ZBTB7C: variants seen among roughly 807,000 people sequenced by gnomAD.
ZBTB7C encodes the protein zinc finger and BTB domain containing 7C.
In ZBTB7C, 8 loss-of-function variants were observed where a neutral mutation model predicts 25.7. That is an observed-to-expected ratio of 0.31 (90% CI 0.18 to 0.56). The LOEUF is 0.56. ZBTB7C is among the 20% of genes least tolerant of loss of function. ZBTB7C has a pLI of 0.91. For missense variants in ZBTB7C, 824 were observed against 855.2 expected (o/e 0.96, Z 0.46); for synonymous variants, 394 against 369.0 (o/e 1.07, Z -0.78).
In ZBTB7C at chr18:48,087,094, T is replaced by C. The variant is rs560866841; in HGVS notation, c.-16-45971A>G. Among the ~76,000 whole-genome samples, 12 of 152,266 alleles carry C rather than the reference T, an allele frequency of 7.9e-5. No homozygotes were observed. In the South Asian group the frequency reaches 2.5e-3, roughly 32 times the overall value. On this transcript the variant is annotated intron_variant, in intron 3 of 4. Transcript: ENST00000590800. ...GATCTGCCCAGGATTGTGCACATAG[T>C]TAGTAGGAGAGGTTGAAACTGACTT...
intron 3 of ZBTB7C, among the ~76,000 whole-genome samples, chr18:48,111,294 A>G (rs552479313): frequency 2.5e-4 from 38 of 152,360 alleles, no homozygotes; most frequent in Non-Finnish European, 4.8e-4. Flanking sequence ...CCCAAATTCA[A>G]TAAGAAAAGG....
Position 48,338,160 on chromosome 18 carries a change from C to T in ZBTB7C, c.-79+14G>A, listed in dbSNP as rs1397804309. 2 of 152,198 alleles carry T rather than the reference C, an allele frequency of 1.3e-5. No homozygotes were observed. Among genetic ancestry groups the T allele is most frequent in the African/African-American group, 4.8e-5 (2 of 41,448 alleles). 9.4% of individuals were successfully genotyped at this position (152,198 alleles called of 1,614,324 possible). ...TATCATTCATAAAGGATAGACAAGC[C>T]TCAGGTTCATTACCTGTCATTACAC... On this transcript the variant is annotated intron_variant, in intron 2 of 4. Transcript: ENST00000590800.
Position 48,036,308 on chromosome 18 carries a change from G to A in ZBTB7C, c.1208+3592C>T, listed in dbSNP as rs146168398. Among the ~76,000 whole-genome samples, 1,416 of 152,326 alleles carry A rather than the reference G, an allele frequency of 9.3e-3. 23 individuals carry two copies. The highest frequency in any genetic ancestry group is 0.032 in the African/African-American group (1,334 of 41,582). On this transcript the variant is annotated intron_variant, in intron 4 of 4. Transcript: ENST00000590800. Reference sequence around the variant, plus strand: ...GCCTTAGGGGTGAAGGGGCTCTGCTGGAAGGATTCCCATGTCCTCCCCCTG... The same window carrying A: ...GCCTTAGGGGTGAAGGGGCTCTGCTAGAAGGATTCCCATGTCCTCCCCCTG...
intron 3 of ZBTB7C, among the ~76,000 whole-genome samples, chr18:48,146,294 T>G (rs538269584): frequency 6.6e-6 from 1 of 152,306 alleles, no homozygotes. Flanking sequence ...TTTCCAAAAT[T>G]TTTTGTAATT....
At position 48,037,353 on chromosome 18, in the gene ZBTB7C, C is replaced by T. The variant is rs115378257; in HGVS notation, c.1208+2547G>A. On this transcript the variant is annotated intron_variant, in intron 4 of 4. Transcript: ENST00000590800. ...ATCATCTGGCTGGGAGTGGGGACTG[C>T]AGACAGAGAGGCCACCCCAAGTGAC... is the stretch of plus-strand genomic sequence containing the variant. 1.8e-3 allele frequency among the ~76,000 whole-genome samples: 271 copies of T among 152,314 alleles called. 1 individual carries two copies. The highest frequency in any genetic ancestry group is 5.1e-3 in the African/African-American group (214 of 41,576).
At chr18:48,330,354 T>G (rs1001228020) in intron 2 of ZBTB7C, among the ~76,000 whole-genome samples, 1 of 152,146 alleles carries the variant, frequency 6.6e-6, no homozygotes, top group Admixed American at 6.5e-5. Context: ...TTAGGTAGCA[T>G]GAGCTCTTGC....
At chr18:48,126,177 C>T (rs1017657358) in intron 3 of ZBTB7C, among the ~76,000 whole-genome samples, 2 of 152,142 alleles carry the variant, frequency 1.3e-5, no homozygotes, top group Admixed American at 6.5e-5. Flanking sequence ...ATTACCTGTT[C>T]TCAGTCTCTG....
At chr18:48,074,391 A>G (rs778158625) in intron 3 of ZBTB7C, among the ~76,000 whole-genome samples, 29 of 152,134 alleles carry the variant, frequency 1.9e-4, no homozygotes, top group Non-Finnish European at 3.8e-4. Context: ...TTCATATAAC[A>G]CAGCCCCTTG....
intron 2 of ZBTB7C, among the ~76,000 whole-genome samples, chr18:48,238,699 G>C (rs1445903112): frequency 5.9e-5 from 9 of 152,208 alleles, no homozygotes; most frequent in Admixed American, 5.9e-4. Flanking sequence ...AGTGGAATTG[G>C]GGAAGGATCA....
Position 48,028,491 on chromosome 18 carries a change from A to T in ZBTB7C, c.*769T>A, listed in dbSNP as rs552780659. 11 of 152,340 alleles carry T rather than the reference A, an allele frequency of 7.2e-5. No homozygotes were observed. The highest frequency in any genetic ancestry group is 2.6e-4 in the African/African-American group (11 of 41,558). 9.4% of individuals were successfully genotyped at this position (152,340 alleles called of 1,614,324 possible). ...GTGATAAAACTAAGTCCAGAAAGAT[A>T]AACTGTTTCCCCATGGACTTGGGGA... On this transcript the variant is annotated 3_prime_UTR_variant, in exon 5 of 5. Transcript: ENST00000590800.
intron 2 of ZBTB7C, among the ~76,000 whole-genome samples, chr18:48,246,389 C>A (rs972842393): frequency 4.6e-5 from 7 of 151,390 alleles, no homozygotes; most frequent in Non-Finnish European, 7.4e-5. Context: ...GAGATCACAC[C>A]ACTGCACTCC....
intron 2 of ZBTB7C, among the ~76,000 whole-genome samples, chr18:48,290,570 G>T (rs1353072740): frequency 6.6e-6 from 1 of 152,212 alleles, no homozygotes; most frequent in African/African-American, 2.4e-5. Context: ...GTTTTTGAGG[G>T]TCATTAAGAG....
At chr18:48,372,441 C>A (rs2047409402) in intron 1 of ZBTB7C, among the ~76,000 whole-genome samples, 1 of 152,200 alleles carries the variant, frequency 6.6e-6, no homozygotes, top group Non-Finnish European at 1.5e-5. Flanking sequence ...CGTGTCACTT[C>A]CGCGCTGAGG....
At chr18:48,405,967 C>T (rs2048272076) in intron 1 of ZBTB7C, among the ~76,000 whole-genome samples, 1 of 152,154 alleles carries the variant, frequency 6.6e-6, no homozygotes, top group African/African-American at 2.4e-5. Flanking sequence ...GGGTTCACTC[C>T]AGTACCCTCT....
At chr18:48,389,228 CTCTCTCTCGTGTGTGT>C (rs1321522853) in intron 1 of ZBTB7C, among the ~76,000 whole-genome samples, 98 of 94,088 alleles carry the variant, frequency 1.0e-3, no homozygotes, top group South Asian at 4.4e-3. Context: ...CTCTCTCTCT[CTCTCTCTCGTGTGTGT>C]GTGTGTGTGT....
intron 1 of ZBTB7C, among the ~76,000 whole-genome samples, chr18:48,364,518 C>T (rs2130119): frequency 0.29 from 43,425 of 152,062 alleles, 7,239 homozygotes; most frequent in East Asian, 0.66. Flanking sequence ...ACCCAAATCC[C>T]AGAGACACTG....
intron 2 of ZBTB7C, among the ~76,000 whole-genome samples, chr18:48,188,801 A>G (rs1218156174): frequency 6.6e-6 from 1 of 151,890 alleles, no homozygotes; most frequent in Non-Finnish European, 1.5e-5. Context: ...CCATTTGTTC[A>G]CCTCATACCC....
At chr18:48,063,596 A>G (rs1419307491) in intron 3 of ZBTB7C, among the ~76,000 whole-genome samples, 1 of 152,210 alleles carries the variant, frequency 6.6e-6, no homozygotes, top group African/African-American at 2.4e-5. Context: ...AAAGGAGAGA[A>G]AGGAGGAGAG....
In ZBTB7C at chr18:48,353,788, T is replaced by C. The variant is rs529402419; in HGVS notation, c.-303-15390A>G. ...TTTCTCATGATAACCTCGTGGTTGATACTCACACAGATGAGGAGCTGAAAG... is the reference window on the plus strand; with the variant it reads ...TTTCTCATGATAACCTCGTGGTTGACACTCACACAGATGAGGAGCTGAAAG... On this transcript the variant is annotated intron_variant, in intron 1 of 4. Transcript: ENST00000590800. Among the ~76,000 whole-genome samples, 3 of 152,294 alleles carry C rather than the reference T, an allele frequency of 2.0e-5. No homozygotes were observed. In the South Asian group the frequency reaches 6.2e-4, roughly 32 times the overall value.
Sources: allele counts gnomAD v4.1 joint callset (sites outside exome capture counted in the v4.1 genomes callset), GRCh38; gene constraint gnomAD v4.1.1; transcripts MANE v1.5; gene names NCBI Gene and HGNC (gene_info 2026-07-23, HGNC 2026-07-21).